The following FBXL13 variants were observed in gnomAD, a reference collection of about 807,000 sequenced individuals.
FBXL13 encodes F-box and leucine-rich repeat protein 13.
A neutral mutation model predicts 83.6 loss-of-function variants in FBXL13; 67 were observed. The ratio of observed to expected loss-of-function variants is 0.80; its 90% confidence interval spans 0.66 to 0.98. The LOEUF is 0.98. FBXL13 is among the 50% of genes least tolerant of loss of function. The probability of loss-of-function intolerance (pLI) is 0.00; values close to 1 mark genes in which losing one functional copy is unlikely to be tolerated. For missense variants in FBXL13, 822 were observed against 866.5 expected (o/e 0.95, Z 0.64); for synonymous variants, 272 against 299.5 (o/e 0.91, Z 0.95).
At chr7:102,934,990 A>C (rs1820008873) in intron 8 of FBXL13, among the ~76,000 whole-genome samples, 1 of 152,164 alleles carries the variant, frequency 6.6e-6, no homozygotes, top group Non-Finnish European at 1.5e-5. Context: ...CTCCAATTTA[A>C]TTTAGGTAGG....
intron 2 of FBXL13, 43 bp downstream of exon 2, chr7:103,055,601 C>A: frequency 1.1e-6 from 1 of 949,726 alleles, no homozygotes; most frequent in African/African-American, 1.7e-5. Context: ...AGTTTTCCTT[C>A]AAAATAAAAT....
chr7:102,968,999 T>C (rs1368896236), intron 6 of FBXL13, among the ~76,000 whole-genome samples: 2 of 152,204 alleles, frequency 1.3e-5, no homozygotes, highest in African/African-American at 4.8e-5. Flanking sequence ...ATCATAGCCA[T>C]TGTAATATCA....
intron 16 of FBXL13, among the ~76,000 whole-genome samples, chr7:102,865,807 G>C (rs1293092883): frequency 1.3e-5 from 2 of 151,934 alleles, no homozygotes; most frequent in Non-Finnish European, 2.9e-5. Context: ...GCCTCCCAAA[G>C]TGCTGGGATT....
chr7:102,968,290 C>G (rs1227210063), intron 6 of FBXL13, among the ~76,000 whole-genome samples, 173 bp from the exon 8 acceptor site: 4 of 152,180 alleles, frequency 2.6e-5, no homozygotes, highest in Admixed American at 6.5e-5. Flanking sequence ...AGAATTTTAT[C>G]TGAAGATAGG....
At chr7:103,066,682 T>C (rs1585642162) in intron 1 of FBXL13, among the ~76,000 whole-genome samples, 1 of 152,240 alleles carries the variant, frequency 6.6e-6, no homozygotes, top group East Asian at 1.9e-4. Flanking sequence ...CGTGAGCCAC[T>C]GCGCCCAGCC....
chr7:103,031,634 G>A (rs1037512871), intron 2 of FBXL13, among the ~76,000 whole-genome samples: 13 of 152,150 alleles, frequency 8.5e-5, no homozygotes, highest in Admixed American at 7.9e-4. Context: ...AAGTGAGGGA[G>A]GAATGGACAG....
chr7:102,878,662 T>C (rs1266093457), intron 14 of FBXL13, among the ~76,000 whole-genome samples: 1 of 152,206 alleles, frequency 6.6e-6, no homozygotes, highest in Non-Finnish European at 1.5e-5. Flanking sequence ...AAGTATTAAT[T>C]AAAATGTTAT....
chr7:102,838,473 CAG>C (rs1802386307), intron 17 of FBXL13, among the ~76,000 whole-genome samples: 1 of 151,514 alleles, frequency 6.6e-6, no homozygotes, highest in Admixed American at 6.6e-5. Flanking sequence ...TTTTTTGAGA[CAG>C]AGTGTCACTC....
chr7:103,060,044 A>ATATG (rs1797735223), intron 1 of FBXL13, among the ~76,000 whole-genome samples: 1 of 100,772 alleles, frequency 9.9e-6, no homozygotes, highest in Non-Finnish European at 2.0e-5. Context: ...ATATATATAT[A>ATATG]TATATATATA....
downstream of FBXL13, among the ~76,000 whole-genome samples, chr7:102,811,521 T>A (rs190760767): frequency 6.6e-6 from 1 of 152,344 alleles, no homozygotes; most frequent in East Asian, 1.9e-4. Context: ...TGTTCTTGTT[T>A]AAGAAAGGAT....
intron 17 of FBXL13, among the ~76,000 whole-genome samples, chr7:102,847,811 G>A (rs1804293990): frequency 6.6e-6 from 1 of 152,088 alleles, no homozygotes; most frequent in Non-Finnish European, 1.5e-5. Flanking sequence ...TTATAGGTGT[G>A]AACTACTGCA....
At chr7:102,942,399 A>T in intron 8 of FBXL13, 1 of 1,404,190 alleles carries the variant, frequency 7.1e-7, no homozygotes, top group Middle Eastern at 1.8e-4. Flanking sequence ...AATAACAATC[A>T]TATAAAATGC....
At position 102,963,529 on chromosome 7, in the gene FBXL13, T is replaced by A; in HGVS notation, c.724+4A>T. 2 of 1,611,146 alleles carry A rather than the reference T, an allele frequency of 1.2e-6. No homozygotes were observed. The highest frequency in any genetic ancestry group is 1.7e-6 in the Non-Finnish European group (2 of 1,179,364). ...AGACAAATAGTTGTAATGAACATAC[T>A]TACTGACAGATCTGAAAGTTTTGGG... On this transcript the variant is annotated splice_donor_region_variant and intron_variant, in intron 8 of 19. Transcript: ENST00000313221.
At chr7:102,846,977 G>GA (rs35791969) in intron 17 of FBXL13, among the ~76,000 whole-genome samples, 3 of 151,372 alleles carry the variant, frequency 2.0e-5, no homozygotes, top group Non-Finnish European at 4.4e-5. Context: ...TTGAATGGTT[G>GA]AAAAAAAAGC....
chr7:102,837,948 C>T (rs186104120), intron 17 of FBXL13, among the ~76,000 whole-genome samples: 89 of 152,336 alleles, frequency 5.8e-4, no homozygotes, highest in Admixed American at 1.8e-3. Flanking sequence ...TTTATCTTTG[C>T]CAACATCTGG....
At chr7:102,945,918 G>T (rs927250813) in intron 8 of FBXL13, among the ~76,000 whole-genome samples, 3 of 151,926 alleles carry the variant, frequency 2.0e-5, no homozygotes, top group African/African-American at 7.3e-5. Flanking sequence ...GTCTTGCTCT[G>T]TTGCCCAGGC....
At chr7:102,843,199 T>TG in intron 17 of FBXL13, among the ~76,000 whole-genome samples, 1 of 152,226 alleles carries the variant, frequency 6.6e-6, no homozygotes, top group Non-Finnish European at 1.5e-5. Flanking sequence ...ACCCCAACAC[T>TG]TTGGGAGGCT....
chr7:102,944,886 A>C (rs1475133536), intron 8 of FBXL13: 1 of 298,106 alleles, frequency 3.4e-6, no homozygotes, highest in African/African-American at 2.2e-5. Context: ...GACTTTCATA[A>C]TGTCCTGTAT....
At chr7:102,934,986 T>C (rs767485024) in intron 8 of FBXL13, among the ~76,000 whole-genome samples, 21 of 152,174 alleles carry the variant, frequency 1.4e-4, no homozygotes, top group Non-Finnish European at 1.9e-4. Flanking sequence ...TTAACTCCAA[T>C]TTAATTTAGG....
Sources: gnomAD v4.1 joint callset for allele counts (sites outside exome capture counted in the v4.1 genomes callset) on GRCh38, gnomAD v4.1.1 for gene constraint, MANE v1.5 for transcripts, NCBI Gene and HGNC (gene_info 2026-07-23, HGNC 2026-07-21) for gene names.